CTNNA2: variants seen among roughly 807,000 people sequenced by gnomAD.
The protein encoded by CTNNA2 is catenin alpha-2.
A neutral mutation model predicts 101.0 loss-of-function variants in CTNNA2; 42 were observed. The ratio of observed to expected loss-of-function variants is 0.42; its 90% CI spans 0.32 to 0.54. The LOEUF is 0.54. Ranked by LOEUF, CTNNA2 falls within the 20% of genes least tolerant of loss-of-function variation. The pLI is 0.14. For synonymous variants in CTNNA2, 450 were observed against 456.4 expected, an observed-to-expected ratio of 0.99 and a Z score of 0.18; for missense variants, 871 against 1,223.1, an observed-to-expected ratio of 0.71 and a Z score of 4.29.
At chr2:79,367,193 C>T (rs1283017894) in intron 3 of CTNNA2, among the ~76,000 whole-genome samples, 1 of 152,176 alleles carries the variant, frequency 6.6e-6, no homozygotes, top group African/African-American at 2.4e-5. Context: ...AAGAAGGAGG[C>T]TGGCCATCCA....
intron 4 of CTNNA2, among the ~76,000 whole-genome samples, chr2:79,424,913 G>T (rs1678577457): frequency 6.6e-6 from 1 of 152,074 alleles, no homozygotes; most frequent in African/African-American, 2.4e-5. Flanking sequence ...TGGATGAATT[G>T]GTCAGCTTTA....
intron 3 of CTNNA2, among the ~76,000 whole-genome samples, chr2:79,829,414 C>CACACACACACACACAG: frequency 8.3e-6 from 1 of 120,850 alleles, no homozygotes; most frequent in East Asian, 2.5e-4. Flanking sequence ...CACACACACA[C>CACACACACACACACAG]AGACACAAAG....
intron 5 of CTNNA2, among the ~76,000 whole-genome samples, chr2:79,506,907 C>T (rs946114420): frequency 6.6e-6 from 1 of 152,134 alleles, no homozygotes; most frequent in African/African-American, 2.4e-5. Flanking sequence ...ATACGAGTCA[C>T]TCCAGGGCCA....
At chr2:79,204,196 G>A (rs1295573254) in intron 2 of CTNNA2, among the ~76,000 whole-genome samples, 2 of 152,230 alleles carry the variant, frequency 1.3e-5, no homozygotes, top group Non-Finnish European at 2.9e-5. Flanking sequence ...GAAGTGGCCT[G>A]TCAACCAAAG....
intron 7 of CTNNA2, among the ~76,000 whole-genome samples, chr2:79,933,601 C>T (rs1325590923): frequency 1.3e-5 from 2 of 151,998 alleles, no homozygotes; most frequent in Non-Finnish European, 1.5e-5. Context: ...ATTACAGGCA[C>T]CTGCCACCAC....
intron 3 of CTNNA2, among the ~76,000 whole-genome samples, chr2:79,821,032 TCTC>T (rs1371760616): frequency 1.3e-5 from 2 of 152,100 alleles, no homozygotes; most frequent in African/African-American, 2.4e-5. Context: ...ACAAAATAAA[TCTC>T]CTAATAATGG....
chr2:79,188,518 TC>T (rs975294786), intron 1 of CTNNA2, among the ~76,000 whole-genome samples: 12 of 152,122 alleles, frequency 7.9e-5, no homozygotes, highest in African/African-American at 2.9e-4. Flanking sequence ...AAAAATAGCA[TC>T]CCTTGGGGAT....
chr2:79,517,635 A>G (rs1671877684), intron 1 of CTNNA2, among the ~76,000 whole-genome samples: 1 of 152,148 alleles, frequency 6.6e-6, no homozygotes, highest in South Asian at 2.1e-4. Context: ...TTTATATTAT[A>G]CTACCAGAGA....
intron 3 of CTNNA2, among the ~76,000 whole-genome samples, chr2:79,754,260 A>G (rs563822377): frequency 6.6e-6 from 1 of 152,268 alleles, no homozygotes; most frequent in South Asian, 2.1e-4. Flanking sequence ...ATGACAGAGC[A>G]TGACAGAAAG....
chr2:80,289,862 G>C (rs1033376120), intron 7 of CTNNA2, among the ~76,000 whole-genome samples: 11 of 152,276 alleles, frequency 7.2e-5, no homozygotes, highest in South Asian at 4.1e-4. Flanking sequence ...CCTGCTCCCT[G>C]CTACGGATGA....
Position 80,442,459 on chromosome 2 carries a change from C to A in CTNNA2, c.1290+22858C>A, listed in dbSNP as rs530842715. ...ACTTAGCAAGTGCTCACATCTCATG[C>A]CCTTTCAACACACATGCAGTGACCC... On this transcript the variant is annotated intron_variant, in intron 9 of 18. Transcript: ENST00000402739. 2.0e-5 allele frequency among the ~76,000 whole-genome samples: 3 copies of A among 152,324 alleles called. No homozygotes were observed. The South Asian group carries it at 6.2e-4, about 32-fold the overall frequency.
At chr2:80,214,481 TG>T (rs1299471528) in intron 7 of CTNNA2, among the ~76,000 whole-genome samples, 1 of 152,158 alleles carries the variant, frequency 6.6e-6, no homozygotes, top group African/African-American at 2.4e-5. Flanking sequence ...AACCTTAGTT[TG>T]GCTGGATATG....
intron 7 of CTNNA2, chr2:80,313,652 C>G: frequency 6.2e-7 from 1 of 1,602,274 alleles, no homozygotes; most frequent in South Asian, 1.1e-5. Flanking sequence ...GTCTGGAGCA[C>G]AGGTATGCAG....
At chr2:80,266,689 C>A (rs1673026739) in intron 7 of CTNNA2, among the ~76,000 whole-genome samples, 1 of 152,168 alleles carries the variant, frequency 6.6e-6, no homozygotes, top group Admixed American at 6.5e-5. Flanking sequence ...TTTTTGCCTT[C>A]TTGGCTGTAC....
At chr2:80,439,281 T>C (rs994473955) in intron 9 of CTNNA2, among the ~76,000 whole-genome samples, 1 of 152,234 alleles carries the variant, frequency 6.6e-6, no homozygotes, top group African/African-American at 2.4e-5. Flanking sequence ...TCACTTCCCC[T>C]GCTGCATTTT....
intron 2 of CTNNA2, among the ~76,000 whole-genome samples, chr2:79,715,438 A>G (rs1421035535): frequency 2.6e-5 from 4 of 152,180 alleles, no homozygotes; most frequent in South Asian, 2.1e-4. Flanking sequence ...GAATCTTCCA[A>G]TGAATAAAGC....
chr2:79,517,168 T>C (rs1346832699), intron 1 of CTNNA2, among the ~76,000 whole-genome samples: 1 of 152,192 alleles, frequency 6.6e-6, no homozygotes, highest in East Asian at 1.9e-4. Flanking sequence ...GGCATACCTT[T>C]GTTTTTAGTT....
chr2:80,520,474 C>T (rs538685002), intron 9 of CTNNA2, among the ~76,000 whole-genome samples: 1 of 152,224 alleles, frequency 6.6e-6, no homozygotes, highest in East Asian at 1.9e-4. Context: ...TCCTAAACAA[C>T]AGAAATGTGT....
chr2:79,435,733 C>T (rs1678705688), intron 4 of CTNNA2, among the ~76,000 whole-genome samples: 1 of 152,114 alleles, frequency 6.6e-6, no homozygotes, highest in Non-Finnish European at 1.5e-5. Flanking sequence ...GGGGCAGCAC[C>T]CAGCAAGTAT....
Sources: gnomAD v4.1 joint callset for allele counts (sites outside exome capture counted in the v4.1 genomes callset) on GRCh38, gnomAD v4.1.1 for gene constraint, MANE v1.5 for transcripts, NCBI Gene and HGNC (gene_info 2026-07-23, HGNC 2026-07-21) for gene names.